Variants in FBXO25 observed in about 807,000 individuals in gnomAD.
The protein encoded by FBXO25 is F-box protein 25.
A neutral mutation model predicts 51.9 loss-of-function variants in FBXO25; 45 were observed. That is an observed-to-expected ratio of 0.87 (90% CI 0.68 to 1.11). FBXO25 has a LOEUF of 1.11. Among genes scored for constraint, FBXO25 ranks in the 50% most tolerant of loss-of-function variants. FBXO25 has a pLI of 0.00. For missense variants in FBXO25, 507 were observed against 428.5 expected, an observed-to-expected ratio of 1.18 and a Z score of -1.62; for synonymous variants, 199 against 151.0, an observed-to-expected ratio of 1.32 and a Z score of -2.33.
intron 2 of FBXO25, among the ~76,000 whole-genome samples, chr8:425,035 T>C (rs1199514594): frequency 2.6e-5 from 4 of 152,210 alleles, no homozygotes; most frequent in African/African-American, 9.6e-5. Context: ...CTGTAATGAT[T>C]TTTTAATGTT....
At chr8:420,384 G>A (rs1339720973) in intron 2 of FBXO25, 1 of 152,240 alleles carries the variant, frequency 6.6e-6, no homozygotes, top group African/African-American at 2.4e-5. Flanking sequence ...AAACAGTGTG[G>A]CAGCTTCTTA....
At chr8:418,460 C>T (rs1463446207) in intron 2 of FBXO25, among the ~76,000 whole-genome samples, 1 of 151,094 alleles carries the variant, frequency 6.6e-6, no homozygotes, top group Non-Finnish European at 1.5e-5. Flanking sequence ...CTGCCTCAGC[C>T]TCCTGAGTAG....
At chr8:449,035 C>T (rs557145234) in intron 5 of FBXO25, among the ~76,000 whole-genome samples, 4 of 152,184 alleles carry the variant, frequency 2.6e-5, no homozygotes, top group Admixed American at 1.3e-4. Flanking sequence ...CATGCTGTGT[C>T]TATACATGTA....
Position 450,014 on chromosome 8 carries a change from C to A in FBXO25, c.406C>A (p.Gln136Lys). 6.2e-7 allele frequency: 1 copy of A among 1,611,064 alleles called. No homozygotes were observed. The change falls in exon 6 of 10, where the codon CAG (glutamine) becomes AAG (lysine). Residue 136 changes from glutamine to lysine, a missense_variant. Gln to Lys is a moderately conservative substitution (Grantham distance 53, BLOSUM62 1). Transcript: ENST00000350302. The part of the protein sequence containing the change: ...VKLLQLIAKS[Q>K]LTSLSGVAQK... Reference sequence around the variant, plus strand: ...GCTGTTGCAGCTAATTGCAAAATCCCAGTTAACTTCATTGAGTGGCGTGGC... The same window carrying A: ...GCTGTTGCAGCTAATTGCAAAATCCAAGTTAACTTCATTGAGTGGCGTGGC...
intron 9 of FBXO25, 141 bp downstream of exon 9, chr8:463,291 A>G: frequency 3.2e-6 from 3 of 952,102 alleles, no homozygotes; most frequent in Non-Finnish European, 4.7e-6. Flanking sequence ...TTTACCAAAT[A>G]TTGGGGTAGG....
At chr8:454,968 A>G (rs761018042) in intron 7 of FBXO25, among the ~76,000 whole-genome samples, 1 of 152,028 alleles carries the variant, frequency 6.6e-6, no homozygotes, top group African/African-American at 2.4e-5. Context: ...GTGCTTAACA[A>G]CTGGCTCTCC....
chr8:468,320 G>C, intron 9 of FBXO25: 1 of 1,004,804 alleles, frequency 1.0e-6, no homozygotes, highest in Non-Finnish European at 1.2e-6. Context: ...GTGTAACAAA[G>C]TGAGCCAGGA....
At chr8:412,781 C>A (rs1485423265) in intron 1 of FBXO25, among the ~76,000 whole-genome samples, 1 of 152,186 alleles carries the variant, frequency 6.6e-6, no homozygotes, top group African/African-American at 2.4e-5. Flanking sequence ...CTATTCCACA[C>A]TCCCTGACCC....
intron 5 of FBXO25, among the ~76,000 whole-genome samples, chr8:438,923 C>T (rs989406646): frequency 6.6e-6 from 1 of 152,178 alleles, no homozygotes; most frequent in Non-Finnish European, 1.5e-5. Context: ...CGTCCCCATC[C>T]CAGTTGAGCC....
rs1800393580 is a variant in FBXO25, at chr8:469,315, C to T, written c.*511C>T. ...GAGTCCTCTTTGAATAGAAAGTGAACCCAGGGCAATGACAGCCATTCTTGT... is the reference window on the plus strand; with the variant it reads ...GAGTCCTCTTTGAATAGAAAGTGAATCCAGGGCAATGACAGCCATTCTTGT... On this transcript the variant is annotated 3_prime_UTR_variant, in exon 10 of 10. Transcript: ENST00000350302. 6.6e-6 allele frequency: 1 copy of T among 152,560 alleles called. No individual in the cohort carries two copies. Among genetic ancestry groups the T allele is most frequent in the Non-Finnish European group, 1.5e-5 (1 of 68,346 alleles). The allele number at this position is 152,560 out of a possible 1,614,324, so 9.5% of individuals were successfully genotyped here.
At chr8:426,813 G>GGCCTTGGTGCTCTTGTCGCCCTATCTT (rs1463893724) in intron 2 of FBXO25, among the ~76,000 whole-genome samples, 1 of 152,098 alleles carries the variant, frequency 6.6e-6, no homozygotes, top group Non-Finnish European at 1.5e-5. Context: ...GGCTCCACCT[G>GGCCTTGGTGCTCTTGTCGCCCTATCTT]GCCTTGGTGC....
At chr8:444,915 G>A (rs1035647445) in intron 5 of FBXO25, among the ~76,000 whole-genome samples, 24 of 152,294 alleles carry the variant, frequency 1.6e-4, no homozygotes, top group African/African-American at 3.4e-4. Context: ...CTAGCAATGC[G>A]TTTCTCGGAT....
intron 7 of FBXO25, 56 bp downstream of exon 7, chr8:451,509 A>ATCTT: frequency 6.6e-7 from 1 of 1,504,744 alleles, no homozygotes; most frequent in Non-Finnish European, 9.1e-7. Flanking sequence ...TACAGAAGTT[A>ATCTT]TCTTTTCTAA....
chr8:458,608 G>A, intron 8 of FBXO25, 57 bp downstream of exon 8: 1 of 1,545,716 alleles, frequency 6.5e-7, no homozygotes. Context: ...TCTGCCTGGG[G>A]GCCATACCCT....
intron 7 of FBXO25, among the ~76,000 whole-genome samples, chr8:458,104 C>T (rs1030973637): frequency 6.6e-6 from 1 of 152,210 alleles, no homozygotes; most frequent in Non-Finnish European, 1.5e-5. Context: ...CTGACGCACA[C>T]CTGTCGCATG....
At chr8:418,385 G>A (rs1354708064) in intron 2 of FBXO25, among the ~76,000 whole-genome samples, 2 of 133,736 alleles carry the variant, frequency 1.5e-5, no homozygotes, top group Non-Finnish European at 3.1e-5. Context: ...TGTCACCCAG[G>A]CTGGAGTGCA....
chr8:440,392 G>A (rs1277064043), intron 5 of FBXO25, among the ~76,000 whole-genome samples: 1 of 152,216 alleles, frequency 6.6e-6, no homozygotes, highest in Non-Finnish European at 1.5e-5. Context: ...TGACCCAAGA[G>A]GTAAAGACAA....
intron 5 of FBXO25, among the ~76,000 whole-genome samples, chr8:440,531 T>TG (rs1798363666): frequency 6.6e-6 from 1 of 152,144 alleles, no homozygotes; most frequent in South Asian, 2.1e-4. Context: ...CTATAAACTT[T>TG]GATTTTCCTC....
chr8:455,951 A>G (rs11996843), intron 7 of FBXO25, among the ~76,000 whole-genome samples: 5,990 of 152,318 alleles, frequency 0.039, 333 homozygotes, highest in African/African-American at 0.12. Context: ...TCTGCCAGAA[A>G]TCCCAAATGC....
Sources: gnomAD v4.1 joint callset for allele counts (sites outside exome capture counted in the v4.1 genomes callset) on GRCh38, gnomAD v4.1.1 for gene constraint, MANE v1.5 for transcripts, NCBI Gene and HGNC (gene_info 2026-07-23, HGNC 2026-07-21) for gene names.